Variants in AFF3 observed in about 807,000 individuals in gnomAD.
AFF3 encodes the protein ALF transcription elongation factor 3, also known as AF4/FMR2 family member 3.
AFF3 carries 32 observed loss-of-function variants against 129.7 expected under a neutral mutation model. That is an observed-to-expected ratio of 0.25 (90% CI 0.19 to 0.33). The LOEUF (loss-of-function observed/expected upper bound fraction) is 0.33. Ranked by LOEUF, AFF3 falls within the 10% of genes least tolerant of loss-of-function variation. The pLI is 1.00. For synonymous variants in AFF3, 644 were observed against 635.4 expected, an observed-to-expected ratio of 1.01 and a Z score of -0.20; for missense variants, 1,373 against 1,592.0, an observed-to-expected ratio of 0.86 and a Z score of 2.34.
At chr2:99,663,307 T>C (rs1469674831) in intron 12 of AFF3, among the ~76,000 whole-genome samples, 1 of 152,222 alleles carries the variant, frequency 6.6e-6, no homozygotes, top group Non-Finnish European at 1.5e-5. Flanking sequence ...GGAATGTTTC[T>C]TGTGCTGCTC....
chr2:99,677,192 C>T (rs1674031864), intron 11 of AFF3, among the ~76,000 whole-genome samples: 1 of 150,576 alleles, frequency 6.6e-6, no homozygotes, highest in Admixed American at 6.6e-5. Flanking sequence ...ATCACCTGAG[C>T]CCTGGAGGTC....
intron 21 of AFF3, 69 bp downstream of exon 21, chr2:99,560,296 C>T: frequency 2.6e-6 from 4 of 1,519,972 alleles, no homozygotes; most frequent in Non-Finnish European, 3.6e-6. Context: ...CTATGCCTTT[C>T]AGCACCTGGT....
chr2:99,557,660 G>C (rs1263244894), intron 22 of AFF3, among the ~76,000 whole-genome samples: 1 of 152,188 alleles, frequency 6.6e-6, no homozygotes, highest in Non-Finnish European at 1.5e-5. Context: ...CTGAAGGAAA[G>C]GGAAGGCTCA....
At chr2:100,064,789 C>T (rs1457864796) in intron 4 of AFF3, among the ~76,000 whole-genome samples, 1 of 152,192 alleles carries the variant, frequency 6.6e-6, no homozygotes, top group African/African-American at 2.4e-5. Flanking sequence ...TAATATGCAA[C>T]GTATTAACTG....
At chr2:99,837,930 C>T (rs1266818881) in intron 7 of AFF3, among the ~76,000 whole-genome samples, 5 of 152,192 alleles carry the variant, frequency 3.3e-5, no homozygotes, top group Non-Finnish European at 2.9e-5. Context: ...GTGGGCCTAC[C>T]AAGTACCACA....
At chr2:99,839,098 T>C (rs1576151621) in intron 7 of AFF3, among the ~76,000 whole-genome samples, 1 of 152,284 alleles carries the variant, frequency 6.6e-6, no homozygotes. Context: ...AGTTACCATA[T>C]GGTAATCTCT....
At chr2:100,029,641 G>A (rs551116526) in intron 4 of AFF3, among the ~76,000 whole-genome samples, 69 of 152,256 alleles carry the variant, frequency 4.5e-4, no homozygotes, top group African/African-American at 1.5e-3. Flanking sequence ...GTAGAAGGAC[G>A]GCCACTAGGG....
rs1678965982 is a variant in AFF3, at chr2:99,593,642, T to C, written c.2019A>G (p.Ser673=). 1 of 1,608,090 alleles carries C rather than the reference T, an allele frequency of 6.2e-7. No homozygotes were observed. The highest frequency in any genetic ancestry group is 8.5e-7 in the Non-Finnish European group (1 of 1,176,294). ...CCAGGTCGGAGTCCGAGGAGGAGGATGAAGATGACGACTCTGTCTCAATGA... is the reference window on the plus strand; with the variant it reads ...CCAGGTCGGAGTCCGAGGAGGAGGACGAAGATGACGACTCTGTCTCAATGA... ...KEFIETESSS[S]SSSSDSDLES... is the part of the protein sequence containing the mutation. The change falls in exon 15 of 25, where the codon TCA becomes TCG. Residue 673 remains serine, a synonymous_variant. Transcript: ENST00000672756.
At chr2:99,571,515 G>C (rs536956817) in intron 18 of AFF3, among the ~76,000 whole-genome samples, 4 of 152,288 alleles carry the variant, frequency 2.6e-5, no homozygotes, top group Non-Finnish European at 5.9e-5. Context: ...TATGGAGGCT[G>C]AGTCACAGAC....
intron 11 of AFF3, among the ~76,000 whole-genome samples, chr2:99,725,635 C>T (rs949145967): frequency 3.3e-5 from 5 of 152,070 alleles, no homozygotes; most frequent in Admixed American, 6.6e-5. Context: ...TGGCTGGGAA[C>T]GGACATTTTA....
chr2:99,651,173 C>CA (rs113457105), intron 12 of AFF3, among the ~76,000 whole-genome samples: 2,123 of 121,934 alleles, frequency 0.017, 29 homozygotes, highest in African/African-American at 0.044. Flanking sequence ...AAGTCTGTCT[C>CA]AAAAAAAAAA....
At chr2:100,071,365 G>A (rs901622802) in intron 4 of AFF3, among the ~76,000 whole-genome samples, 14 of 152,134 alleles carry the variant, frequency 9.2e-5, no homozygotes, top group African/African-American at 1.7e-4. Flanking sequence ...TCAAGTCTCC[G>A]AATTCTGAGC....
chr2:99,804,609 C>T (rs1459803696), intron 8 of AFF3, among the ~76,000 whole-genome samples: 1 of 152,150 alleles, frequency 6.6e-6, no homozygotes, highest in Non-Finnish European at 1.5e-5. Context: ...GAAAATAAGT[C>T]ACTATGTTAA....
Position 99,799,638 on chromosome 2 carries a change from C to T in AFF3, c.921+37839G>A, listed in dbSNP as rs151323081. On this transcript the variant is annotated intron_variant, in intron 8 of 24. Coordinates refer to ENST00000672756, the MANE Select transcript of AFF3 (RefSeq NM_001386135.1). The stretch of plus-strand genomic sequence containing the variant: ...TGACAAGTTGGTTCTAAAATTTACA[C>T]AGAAAAGGTGTTAAAATAACCAAAA... Among the ~76,000 whole-genome samples the T allele has an allele frequency of 2.5e-4, 38 of 151,938 alleles. 1 individual carries two copies. Among genetic ancestry groups the T allele is most frequent in the South Asian group, 1.7e-3 (8 of 4,820 alleles).
chr2:99,580,699 C>T (rs1677449066), intron 17 of AFF3: 2 of 155,956 alleles, frequency 1.3e-5, no homozygotes, highest in South Asian at 3.3e-4. Flanking sequence ...TCGAGACCAT[C>T]CTGGCTAACA....
At chr2:99,689,495 T>C (rs1034136273) in intron 11 of AFF3, among the ~76,000 whole-genome samples, 2 of 152,018 alleles carry the variant, frequency 1.3e-5, no homozygotes, top group African/African-American at 2.4e-5. Context: ...CCCTCTGCTG[T>C]ACCCATGTCT....
chr2:99,990,883 A>G (rs895001967), intron 7 of AFF3, among the ~76,000 whole-genome samples: 3 of 152,134 alleles, frequency 2.0e-5, no homozygotes, highest in African/African-American at 4.8e-5. Flanking sequence ...TGTCAACCTG[A>G]GTTGAAACCA....
intron 8 of AFF3, among the ~76,000 whole-genome samples, chr2:99,799,931 T>G (rs1428730698): frequency 6.6e-6 from 1 of 152,168 alleles, no homozygotes; most frequent in African/African-American, 2.4e-5. Context: ...CACTTCACAA[T>G]GAATCTTAAA....
intron 7 of AFF3, among the ~76,000 whole-genome samples, chr2:99,940,119 G>A (rs1211437252): frequency 6.6e-6 from 1 of 152,180 alleles, no homozygotes; most frequent in Non-Finnish European, 1.5e-5. Context: ...CAGGACACCT[G>A]ATGCTCCAGG....
Sources: gnomAD v4.1 joint callset for allele counts (sites outside exome capture counted in the v4.1 genomes callset) on GRCh38, gnomAD v4.1.1 for gene constraint, MANE v1.5 for transcripts, NCBI Gene and HGNC (gene_info 2026-07-23, HGNC 2026-07-21) for gene names.